SMURF2: variants seen among roughly 807,000 people sequenced by gnomAD.
SMURF2 encodes the protein E3 ubiquitin-protein ligase SMURF2.
Under a neutral mutation model 109.6 loss-of-function variants are expected in SMURF2, and 48 were observed. That is an observed-to-expected ratio of 0.44 (90% CI 0.35 to 0.56). The LOEUF is 0.56. Among genes scored for constraint, SMURF2 ranks in the 20% least tolerant of loss-of-function variants. SMURF2 has a pLI of 0.01. For missense variants in SMURF2, 575 were observed against 909.0 expected, an observed-to-expected ratio of 0.63 and a Z score of 4.72; for synonymous variants, 288 against 317.1, an observed-to-expected ratio of 0.91 and a Z score of 0.97.
intron 1 of SMURF2, among the ~76,000 whole-genome samples, chr17:64,627,903 C>A (rs150818240): frequency 6.6e-6 from 1 of 152,172 alleles, no homozygotes; most frequent in African/African-American, 2.4e-5. Flanking sequence ...TCCCTGACAG[C>A]GCGCTTAGAC....
chr17:64,582,796 T>C (rs1490113813), intron 7 of SMURF2, among the ~76,000 whole-genome samples: 1 of 151,956 alleles, frequency 6.6e-6, no homozygotes, highest in Non-Finnish European at 1.5e-5. Flanking sequence ...ATGGGGTTTC[T>C]CCATGTTGGT....
At chr17:64,566,845 C>G (rs1377053618) in intron 10 of SMURF2, among the ~76,000 whole-genome samples, 2 of 150,214 alleles carry the variant, frequency 1.3e-5, no homozygotes, top group Non-Finnish European at 1.5e-5. Context: ...GCTGGGATTA[C>G]AGGCGTGAGC....
At chr17:64,599,232 G>T (rs1969859847) in intron 2 of SMURF2, among the ~76,000 whole-genome samples, 1 of 152,044 alleles carries the variant, frequency 6.6e-6, no homozygotes, top group East Asian at 1.9e-4. Context: ...GGCACAAGGG[G>T]GTCAATTAAC....
At chr17:64,660,412 C>T (rs1421856526) in intron 1 of SMURF2, among the ~76,000 whole-genome samples, 8 of 152,278 alleles carry the variant, frequency 5.3e-5, no homozygotes, top group South Asian at 2.1e-4. Context: ...GGGTGGAATA[C>T]AAGTATCCTC....
intron 1 of SMURF2, among the ~76,000 whole-genome samples, chr17:64,625,605 C>T (rs1379316912): frequency 6.6e-6 from 1 of 152,178 alleles, no homozygotes; most frequent in Non-Finnish European, 1.5e-5. Flanking sequence ...TATGTCTACT[C>T]TATCACCTTA....
chr17:64,649,991 T>A (rs2144732474), intron 1 of SMURF2, among the ~76,000 whole-genome samples: 1 of 152,306 alleles, frequency 6.6e-6, no homozygotes, highest in South Asian at 2.1e-4. Context: ...CCAAAATGCT[T>A]ACTTTAAAAG....
chr17:64,650,153 T>C (rs1970616265), intron 1 of SMURF2, among the ~76,000 whole-genome samples: 2 of 151,722 alleles, frequency 1.3e-5, no homozygotes, highest in Admixed American at 1.3e-4. Context: ...CCTTGAACAG[T>C]ATCTTTCATG....
intron 1 of SMURF2, among the ~76,000 whole-genome samples, chr17:64,653,103 T>TG (rs1250679084): frequency 6.8e-6 from 1 of 146,226 alleles, no homozygotes; most frequent in African/African-American, 2.6e-5. Flanking sequence ...GGACATCTTT[T>TG]GGGGGGCGGT....
chr17:64,642,678 ATCTATTAAGCAC>A (rs1227437182), intron 1 of SMURF2, among the ~76,000 whole-genome samples: 2 of 152,192 alleles, frequency 1.3e-5, no homozygotes, highest in Non-Finnish European at 2.9e-5. Flanking sequence ...ATTAACACAT[ATCTATTAAGCAC>A]TGTGTGTAGG....
At chr17:64,577,196 C>A (rs1969505156) in intron 9 of SMURF2, among the ~76,000 whole-genome samples, 1 of 151,948 alleles carries the variant, frequency 6.6e-6, no homozygotes, top group African/African-American at 2.4e-5. Context: ...ATTAAGGGCA[C>A]ATATACACCA....
Position 64,578,506 on chromosome 17 carries a change from A to G in SMURF2, c.843T>C (p.Asp281=). 1 of 1,613,028 alleles carries G rather than the reference A, an allele frequency of 6.2e-7. No homozygotes were observed. The highest frequency in any genetic ancestry group is 8.5e-7 in the Non-Finnish European group (1 of 1,179,012). ...TACGTTCTTACCTGGGCACTCTTGG[A>G]TCATGCCATGTGCTCACACCAGTCT... ...HTQTGVSTWH[D]PRVPRDLSNI... is the part of the protein sequence containing the mutation. The change falls in exon 9 of 19, where the codon GAT becomes GAC. Residue 281 remains aspartate, a synonymous_variant. Transcript: ENST00000262435.
chr17:64,601,786 A>G (rs1351732250), intron 2 of SMURF2, among the ~76,000 whole-genome samples: 3 of 151,946 alleles, frequency 2.0e-5, no homozygotes, highest in East Asian at 3.9e-4. Context: ...TTGCAAAAAT[A>G]CTGAAGCAGC....
At chr17:64,649,865 T>C (rs1184981634) in intron 1 of SMURF2, among the ~76,000 whole-genome samples, 1 of 152,116 alleles carries the variant, frequency 6.6e-6, no homozygotes, top group Admixed American at 6.6e-5. Flanking sequence ...ATTGAAAATA[T>C]TTGATTAAAA....
rs782028995 is a variant in SMURF2, at chr17:64,593,398, CAT to C, written c.334+40_334+41del. On this transcript the variant is annotated intron_variant, in intron 4 of 18. Coordinates refer to ENST00000262435, the MANE Select transcript of SMURF2 (RefSeq NM_022739.4). ...GCACAAATACATATACACACACACA[CAT>C]ATATGTTTTTTAATTGGAAAAGCAC... The C allele has an allele frequency of 8.5e-4, 1,342 of 1,577,648 alleles. 3 individuals carry two copies. In the African/African-American group the frequency reaches 0.013, roughly 15 times the overall value.
At chr17:64,605,014 T>G (rs1969949877) in intron 2 of SMURF2, among the ~76,000 whole-genome samples, 1 of 151,982 alleles carries the variant, frequency 6.6e-6, no homozygotes, top group Admixed American at 6.6e-5. Context: ...ATTTGCCACT[T>G]TGCAAGCCCA....
rs782237882 is a variant in SMURF2, at chr17:64,547,673, C to T, written c.1998G>A (p.Glu666=). ...CAAACTGAAGCAATCTTGCTCGTCGCTCTTCATCAAAAAACTCCACAGCTT... is the reference window on the plus strand; with the variant it reads ...CAAACTGAAGCAATCTTGCTCGTCGTTCTTCATCAAAAAACTCCACAGCTT... The part of the protein sequence containing the change: ...FWKAVEFFDE[E]RRARLLQFVT... Residue 666 remains glutamate, a synonymous_variant, in exon 17 of 19, where the codon GAG becomes GAA. Transcript: ENST00000262435. This position sits in a 1 kb window ranked among gnomAD's most constrained non-coding sequence, Gnocchi z 4.2. 8.1e-6 allele frequency: 13 copies of T among 1,614,022 alleles called. No homozygotes were observed. The highest frequency in any genetic ancestry group is 1.0e-5 in the Non-Finnish European group (12 of 1,180,038).
chr17:64,623,019 C>T (rs1970225009), intron 1 of SMURF2, among the ~76,000 whole-genome samples: 1 of 152,068 alleles, frequency 6.6e-6, no homozygotes, highest in African/African-American at 2.4e-5. Context: ...CAGCTTTGGC[C>T]ATTGGGAGCT....
chr17:64,622,259 T>C (rs1970216886), intron 1 of SMURF2, among the ~76,000 whole-genome samples: 1 of 152,036 alleles, frequency 6.6e-6, no homozygotes, highest in African/African-American at 2.4e-5. Flanking sequence ...GTTAGTACAG[T>C]GTTCCCACAT....
chr17:64,626,131 C>T (rs1555691155), intron 1 of SMURF2, among the ~76,000 whole-genome samples: 1 of 151,660 alleles, frequency 6.6e-6, no homozygotes, highest in East Asian at 1.9e-4. Context: ...TGGTGGTGTG[C>T]ACCTGTAATC....
Sources: gnomAD v4.1 joint callset for allele counts (sites outside exome capture counted in the v4.1 genomes callset) on GRCh38, gnomAD v4.1.1 for gene constraint, Gnocchi (gnomAD v3.1) non-coding constraint, MANE v1.5 for transcripts, NCBI Gene and HGNC (gene_info 2026-07-23, HGNC 2026-07-21) for gene names.